SEMA6D: variants seen among roughly 807,000 people sequenced by gnomAD.
SEMA6D encodes semaphorin 6D.
A neutral mutation model predicts 106.6 loss-of-function variants in SEMA6D; 35 were observed. The observed-to-expected ratio is 0.33, with a 90% CI of 0.25 to 0.44. SEMA6D has a LOEUF of 0.44. SEMA6D is among the 20% of genes least tolerant of loss of function. SEMA6D has a pLI of 1.00. For missense variants in SEMA6D, 1,185 were observed against 1,345.9 expected (o/e 0.88, Z 1.87); for synonymous variants, 499 against 487.7 (o/e 1.02, Z -0.31).
chr15:47,765,755 G>A (rs1394158087), intron 13 of SEMA6D, 114 bp from the exon 14 acceptor site: 4 of 994,938 alleles, frequency 4.0e-6, no homozygotes, highest in Non-Finnish European at 5.5e-6. Flanking sequence ...CTATGTACTT[G>A]CCTGGTTTGT....
At chr15:47,741,851 C>G (rs1419749578) in intron 1 of SEMA6D, among the ~76,000 whole-genome samples, 2 of 152,194 alleles carry the variant, frequency 1.3e-5, no homozygotes, top group African/African-American at 2.4e-5. Flanking sequence ...ATCCTGCCTT[C>G]GAGGAGCTCA....
rs1355361832 is a variant in SEMA6D at position 47,411,140 on chromosome 15, G to T, written c.-238-1253G>T. 1.5e-4 allele frequency among the ~76,000 whole-genome samples: 23 copies of T among 151,924 alleles called. 1 individual carries two copies. Among genetic ancestry groups the T allele is most frequent in the Admixed American group, 1.5e-3 (23 of 15,254 alleles). On this transcript the variant is annotated intron_variant, in intron 1 of 19. Transcript: ENST00000558014. ...TGACAGAGTCTCACTCTGTTGCCCA[G>T]GCTGGAGTGCAGTGGCACAGTCTCG...
At chr15:47,246,044 C>A (rs2033177472) in intron 1 of SEMA6D, among the ~76,000 whole-genome samples, 1 of 152,130 alleles carries the variant, frequency 6.6e-6, no homozygotes, top group Non-Finnish European at 1.5e-5. Flanking sequence ...ATGCTCCTCT[C>A]TCAAGTATAC....
At chr15:47,406,732 A>ATG in intron 1 of SEMA6D, among the ~76,000 whole-genome samples, 1 of 150,722 alleles carries the variant, frequency 6.6e-6, no homozygotes, top group African/African-American at 2.4e-5. Flanking sequence ...CATGTGTTGT[A>ATG]TACCCGAAGT....
intron 3 of SEMA6D, among the ~76,000 whole-genome samples, chr15:47,508,912 C>A (rs1314114862): frequency 6.6e-6 from 1 of 152,102 alleles, no homozygotes; most frequent in African/African-American, 2.4e-5. Context: ...ATTTATAATG[C>A]ATAGAACAGT....
chr15:47,681,812 T>C (rs1364666052), intron 4 of SEMA6D, among the ~76,000 whole-genome samples: 2 of 152,190 alleles, frequency 1.3e-5, no homozygotes, highest in African/African-American at 4.8e-5. Context: ...AGTAGATGTA[T>C]TGTTGTTATC....
At chr15:47,370,686 A>T (rs1321356184) in intron 1 of SEMA6D, among the ~76,000 whole-genome samples, 6 of 21,480 alleles carry the variant, frequency 2.8e-4, no homozygotes, top group Admixed American at 9.8e-4. Context: ...CTCTACTTAA[A>T]AAAAAAAAAA....
At chr15:47,622,471 CAGG>C (rs1566941398) in intron 4 of SEMA6D, among the ~76,000 whole-genome samples, 1 of 152,148 alleles carries the variant, frequency 6.6e-6, no homozygotes, top group South Asian at 2.1e-4. Context: ...GCCAAATCTG[CAGG>C]AGTTCAGTTT....
chr15:47,707,475 C>T (rs772846627), intron 4 of SEMA6D, among the ~76,000 whole-genome samples: 6 of 152,138 alleles, frequency 3.9e-5, no homozygotes, highest in Non-Finnish European at 8.8e-5. Context: ...ACAGTCAGCT[C>T]AAAAAAGATA....
At chr15:47,650,320 G>T (rs1240289192) in intron 4 of SEMA6D, among the ~76,000 whole-genome samples, 1 of 152,020 alleles carries the variant, frequency 6.6e-6, no homozygotes. Flanking sequence ...CCTGGGGAGG[G>T]GCCTGTTATG....
chr15:47,411,317 G>A (rs898548505), intron 1 of SEMA6D, among the ~76,000 whole-genome samples: 5 of 151,916 alleles, frequency 3.3e-5, no homozygotes, highest in Non-Finnish European at 7.4e-5. Context: ...GGATGGTCTC[G>A]ATCTCCTGAC....
At chr15:47,723,557 G>A (rs2079549684) in intron 1 of SEMA6D, among the ~76,000 whole-genome samples, 1 of 152,138 alleles carries the variant, frequency 6.6e-6, no homozygotes, top group Admixed American at 6.5e-5. Context: ...TATGGAAAGT[G>A]TATTACTGAA....
At chr15:47,519,067 A>G (rs1037931321) in intron 3 of SEMA6D, among the ~76,000 whole-genome samples, 1 of 152,202 alleles carries the variant, frequency 6.6e-6, no homozygotes, top group African/African-American at 2.4e-5. Context: ...TCTACTAAAA[A>G]TACAAAAAAA....
At chr15:47,547,138 A>T (rs2045548165) in intron 3 of SEMA6D, among the ~76,000 whole-genome samples, 1 of 152,094 alleles carries the variant, frequency 6.6e-6, no homozygotes, top group Non-Finnish European at 1.5e-5. Context: ...TCTTGGGAAG[A>T]TTATTATTTC....
At chr15:47,215,778 T>C (rs2030533670) in intron 1 of SEMA6D, among the ~76,000 whole-genome samples, 1 of 152,182 alleles carries the variant, frequency 6.6e-6, no homozygotes, top group African/African-American at 2.4e-5. Flanking sequence ...CACTTGATAA[T>C]ATTATAGATT....
intron 4 of SEMA6D, among the ~76,000 whole-genome samples, chr15:47,645,738 C>T (rs944780457): frequency 1.3e-5 from 2 of 152,104 alleles, no homozygotes; most frequent in East Asian, 1.9e-4. Flanking sequence ...TCATAAGCCC[C>T]GGGTGGTTGG....
At chr15:47,332,457 G>A (rs2144142377) in intron 1 of SEMA6D, among the ~76,000 whole-genome samples, 1 of 152,244 alleles carries the variant, frequency 6.6e-6, no homozygotes, top group East Asian at 1.9e-4. Context: ...TTGTCTGTTG[G>A]TGTTGTTGCT....
chr15:47,506,599 AACACACACACACACACACAC>A, intron 3 of SEMA6D, among the ~76,000 whole-genome samples: 1 of 137,894 alleles, frequency 7.3e-6, no homozygotes, highest in East Asian at 2.1e-4. Context: ...CACACACACA[AACACACACACACACACACAC>A]ACACACACAC....
intron 4 of SEMA6D, among the ~76,000 whole-genome samples, chr15:47,644,212 T>TA (rs2077540081): frequency 1.3e-5 from 2 of 152,158 alleles, no homozygotes; most frequent in South Asian, 2.1e-4. Context: ...TCATGTAATT[T>TA]AAAAAAATCA....
Sources: gnomAD v4.1 joint callset for allele counts (sites outside exome capture counted in the v4.1 genomes callset) on GRCh38, gnomAD v4.1.1 for gene constraint, MANE v1.5 for transcripts, NCBI Gene and HGNC (gene_info 2026-07-23, HGNC 2026-07-21) for gene names.